The following YWHAB variants were observed in gnomAD, a reference collection of about 807,000 sequenced individuals.
YWHAB encodes 14-3-3 protein beta/alpha.
Under a neutral mutation model 28.5 loss-of-function variants are expected in YWHAB, and 2 were observed. The ratio of observed to expected loss-of-function variants is 0.07; its 90% CI spans 0.03 to 0.22. The LOEUF (loss-of-function observed/expected upper bound fraction) is 0.22, where lower values mean the gene tolerates loss of function less well. Ranked by LOEUF, YWHAB falls within the 10% of genes least tolerant of loss-of-function variation. The probability of loss-of-function intolerance (pLI) is 1.00; values close to 1 mark genes in which losing one functional copy is unlikely to be tolerated. For synonymous variants in YWHAB, 103 were observed against 104.7 expected, an observed-to-expected ratio of 0.98 and a Z score of 0.10; for missense variants, 148 against 297.1, an observed-to-expected ratio of 0.50 and a Z score of 3.69.
At chr20:44,901,992 T>G in intron 2 of YWHAB, 159 bp downstream of exon 2, 1 of 738,874 alleles carries the variant, frequency 1.4e-6, no homozygotes, top group Non-Finnish European at 2.0e-6. Flanking sequence ...ATGATATAAT[T>G]TGTGTCACCT....
intron 1 of YWHAB, among the ~76,000 whole-genome samples, chr20:44,895,943 A>G (rs913759051): frequency 6.6e-6 from 1 of 152,228 alleles, no homozygotes; most frequent in African/African-American, 2.4e-5. Context: ...CAGTTTGTTC[A>G]TTCAGCAGAT....
intron 1 of YWHAB, 46 bp from the exon 2 acceptor site, chr20:44,901,485 C>T (rs764102134): frequency 5.2e-6 from 8 of 1,529,250 alleles, no homozygotes; most frequent in African/African-American, 1.4e-5. Context: ...TCCTAGGCCC[C>T]GAAACCTGAC....
intron 4 of YWHAB, 64 bp from the exon 5 acceptor site, chr20:44,905,937 A>G (rs1277270441): frequency 2.2e-6 from 3 of 1,362,584 alleles, no homozygotes; most frequent in South Asian, 1.2e-5. Context: ...CTAGCGGGAA[A>G]AAAAGTGGGC....
Position 44,906,859 on chromosome 20 carries a change from T to C in YWHAB, c.*421T>C, listed in dbSNP as rs529367575. On this transcript the variant is annotated 3_prime_UTR_variant, in exon 6 of 6. Coordinates refer to ENST00000353703, the MANE Select transcript of YWHAB (RefSeq NM_139323.4). ...CATTGTAAAGTTGTACAGAAAGTTA[T>C]AGAGATTATATTGTGATGCTGGAAC... 5 of 157,864 alleles carry C rather than the reference T, an allele frequency of 3.2e-5. No homozygotes were observed. Among genetic ancestry groups the C allele is most frequent in the Admixed American group, 6.1e-5 (1 of 16,300 alleles). The allele number at this position is 157,864 out of a possible 1,614,324, so 9.8% of individuals were successfully genotyped here. A position where few individuals can be genotyped will look rare whatever the true frequency, so the allele number is the denominator to read the frequency against.
chr20:44,889,845 T>G (rs905083431), intron 1 of YWHAB, among the ~76,000 whole-genome samples: 35 of 152,204 alleles, frequency 2.3e-4, no homozygotes, highest in Admixed American at 2.3e-3. Flanking sequence ...CTCTTTTCCT[T>G]AAGTGAGCAT....
At chr20:44,893,737 C>T (rs1031331500) in intron 1 of YWHAB, among the ~76,000 whole-genome samples, 22 of 121,144 alleles carry the variant, frequency 1.8e-4, no homozygotes, top group East Asian at 7.5e-4. Flanking sequence ...TCGCTCTTGT[C>T]GCCCAGGCTG....
intron 2 of YWHAB, chr20:44,902,056 A>G (rs1385453362): frequency 4.4e-6 from 2 of 450,486 alleles, no homozygotes; most frequent in African/African-American, 4.0e-5. Context: ...TCTCCTATCA[A>G]AAAGACCTGT....
At chr20:44,887,393 T>C (rs1396169406) in intron 1 of YWHAB, 1 of 152,234 alleles carries the variant, frequency 6.6e-6, no homozygotes, top group East Asian at 1.9e-4. Context: ...AGATGAAGTC[T>C]TTATGAGAAA....
chr20:44,894,881 G>A (rs889386304), intron 1 of YWHAB, among the ~76,000 whole-genome samples: 2 of 152,228 alleles, frequency 1.3e-5, no homozygotes, highest in East Asian at 1.9e-4. Context: ...CTACATATAG[G>A]TACTCTGTGT....
At chr20:44,889,376 G>A (rs144625476) in intron 1 of YWHAB, among the ~76,000 whole-genome samples, 49 of 152,184 alleles carry the variant, frequency 3.2e-4, no homozygotes, top group African/African-American at 1.0e-3. Context: ...TCTAATAGAG[G>A]TGTGGTTATA....
intron 1 of YWHAB, among the ~76,000 whole-genome samples, chr20:44,893,091 G>A (rs2066573025): frequency 6.6e-6 from 1 of 152,120 alleles, no homozygotes; most frequent in Non-Finnish European, 1.5e-5. Flanking sequence ...ATTAGCAGTA[G>A]GTAGTCTTCT....
intron 5 of YWHAB, 38 bp from the exon 6 acceptor site, chr20:44,906,344 A>C: frequency 1.2e-6 from 2 of 1,610,926 alleles, no homozygotes; most frequent in Non-Finnish European, 1.7e-6. Context: ...GGGAACTTTT[A>C]GTAGCCCTGC....
rs985593854 is a variant in YWHAB at position 44,885,862 on chromosome 20, C to T, written c.-28C>T. On this transcript the variant is annotated 5_prime_UTR_variant, in exon 1 of 6. Transcript: ENST00000353703. The stretch of plus-strand genomic sequence containing the variant: ...CGCTCGGAGCTTCGCTCGGAAGGGT[C>T]TTTGTTCCCTGCAGCCCTCCCACGG... 1 of 154,036 alleles carries T rather than the reference C, an allele frequency of 6.5e-6. No individual in the cohort carries two copies. Among genetic ancestry groups the T allele is most frequent in the Non-Finnish European group, 1.5e-5 (1 of 68,630 alleles). The allele number at this position is 154,036 out of a possible 1,614,324, so 9.5% of individuals were successfully genotyped here. A position where few individuals can be genotyped will look rare whatever the true frequency, so the allele number is the denominator to read the frequency against.
chr20:44,888,608 A>G (rs991298459), intron 1 of YWHAB, among the ~76,000 whole-genome samples: 3 of 152,202 alleles, frequency 2.0e-5, no homozygotes, highest in African/African-American at 7.2e-5. Context: ...CTTTACACCA[A>G]TCCTAATAAA....
At chr20:44,894,565 T>C (rs2066584507) in intron 1 of YWHAB, among the ~76,000 whole-genome samples, 1 of 152,254 alleles carries the variant, frequency 6.6e-6, no homozygotes, top group Admixed American at 6.5e-5. Flanking sequence ...AGACTTTTGC[T>C]TTTCCTTCTC....
chr20:44,889,582 G>C (rs536813402), intron 1 of YWHAB, among the ~76,000 whole-genome samples: 1 of 151,698 alleles, frequency 6.6e-6, no homozygotes, highest in African/African-American at 2.4e-5. Flanking sequence ...GAATGGCCTT[G>C]ACCAGGACAA....
intron 1 of YWHAB, among the ~76,000 whole-genome samples, chr20:44,893,916 C>G (rs760587622): frequency 6.6e-6 from 1 of 152,046 alleles, no homozygotes; most frequent in Non-Finnish European, 1.5e-5. Flanking sequence ...ACGCTGGTCT[C>G]GAACTCCTGA....
chr20:44,897,697 G>A (rs994018849), intron 1 of YWHAB, among the ~76,000 whole-genome samples: 3 of 151,984 alleles, frequency 2.0e-5, no homozygotes, highest in Non-Finnish European at 4.4e-5. Flanking sequence ...TTTCCACCAC[G>A]GTTGGTTGAA....
At chr20:44,893,129 TC>T (rs2066573452) in intron 1 of YWHAB, among the ~76,000 whole-genome samples, 1 of 152,170 alleles carries the variant, frequency 6.6e-6, no homozygotes, top group African/African-American at 2.4e-5. Context: ...CTTTTTTGAT[TC>T]TTCTCCTAGG....
Sources: gnomAD v4.1 joint callset for allele counts (sites outside exome capture counted in the v4.1 genomes callset) on GRCh38, gnomAD v4.1.1 for gene constraint, MANE v1.5 for transcripts, NCBI Gene and HGNC (gene_info 2026-07-23, HGNC 2026-07-21) for gene names.